The following DLG2 variants were observed in gnomAD, a reference collection of about 807,000 sequenced individuals.
The protein encoded by DLG2 is discs large MAGUK scaffold protein 2.
In DLG2, 45 loss-of-function variants were observed where a neutral mutation model predicts 132.5. That is an observed-to-expected ratio of 0.34 (90% CI 0.27 to 0.44). The LOEUF is 0.44. DLG2 is among the 20% of genes least tolerant of loss of function. DLG2 has a pLI of 1.00. For synonymous variants in DLG2, 424 were observed against 419.6 expected, an observed-to-expected ratio of 1.01 and a Z score of -0.13; for missense variants, 1,045 against 1,196.9, an observed-to-expected ratio of 0.87 and a Z score of 1.87.
intron 18 of DLG2, among the ~76,000 whole-genome samples, chr11:83,670,875 T>G (rs2076719225): frequency 6.6e-6 from 1 of 152,160 alleles, no homozygotes; most frequent in Admixed American, 6.5e-5. Flanking sequence ...GATTAAAATA[T>G]TCTCCTTAAA....
chr11:84,544,964 G>A (rs1464286595), intron 6 of DLG2, among the ~76,000 whole-genome samples: 1 of 152,178 alleles, frequency 6.6e-6, no homozygotes, highest in African/African-American at 2.4e-5. Context: ...CACAAATACA[G>A]TCCTTGAATT....
chr11:85,023,076 TA>T (rs996003318), intron 6 of DLG2, among the ~76,000 whole-genome samples: 1 of 151,826 alleles, frequency 6.6e-6, no homozygotes, highest in African/African-American at 2.4e-5. Flanking sequence ...ACATCGATAC[TA>T]AAAAAATGAA....
chr11:84,282,255 A>C (rs771582085), intron 7 of DLG2, among the ~76,000 whole-genome samples: 1 of 152,232 alleles, frequency 6.6e-6, no homozygotes, highest in Non-Finnish European at 1.5e-5. Flanking sequence ...GAGGACAAAC[A>C]AAAAGTACAT....
Position 85,583,126 on chromosome 11 carries a change from GTGTGTATATATATATA to G in DLG2, c.40+15515_40+15530del, listed in dbSNP as rs1330622953. Among the ~76,000 whole-genome samples the G allele has an allele frequency of 9.0e-4, 31 of 34,302 alleles. No homozygotes were observed. In the South Asian group the frequency reaches 0.015, roughly 16 times the overall value. The allele number at this position is 34,302 out of a possible 152,430, so 22.5% of individuals were successfully genotyped here. On this transcript the variant is annotated intron_variant, in intron 3 of 27. Coordinates refer to ENST00000376104, the MANE Select transcript of DLG2 (RefSeq NM_001142699.3). ...TGTGTGTGTGTGTGTGTGTGTGTGT[GTGTGTATATATATATA>G]TATATATATATATATATATATATAT...
chr11:84,767,024 G>A (rs1597624452), intron 6 of DLG2, among the ~76,000 whole-genome samples: 1 of 151,944 alleles, frequency 6.6e-6, no homozygotes, highest in Non-Finnish European at 1.5e-5. Flanking sequence ...GCATTACCTG[G>A]TATGTTGGAT....
Position 84,492,067 on chromosome 11 carries a change from G to T in DLG2, c.519+42503C>A, listed in dbSNP as rs1263570033. ...TGAGGTAAAAAATTATGACCGAACAGAATTTATAAAATAGAGTGTTGATTT... is the reference window on the plus strand; with the variant it reads ...TGAGGTAAAAAATTATGACCGAACATAATTTATAAAATAGAGTGTTGATTT... On this transcript the variant is annotated intron_variant, in intron 7 of 27. Coordinates refer to ENST00000376104, the MANE Select transcript of DLG2 (RefSeq NM_001142699.3). 2.6e-5 allele frequency among the ~76,000 whole-genome samples: 4 copies of T among 152,148 alleles called. No homozygotes were observed. The East Asian group carries it at 7.7e-4, about 29-fold the overall frequency.
chr11:83,521,549 G>A (rs1300465430), intron 21 of DLG2, among the ~76,000 whole-genome samples: 3 of 152,134 alleles, frequency 2.0e-5, no homozygotes, highest in Admixed American at 2.0e-4. Flanking sequence ...GTTGGAGTGA[G>A]GTGTTGGTGA....
intron 7 of DLG2, among the ~76,000 whole-genome samples, chr11:84,309,551 G>GT (rs2098266709): frequency 6.6e-6 from 1 of 152,166 alleles, no homozygotes; most frequent in South Asian, 2.1e-4. Context: ...TGTACTAGGT[G>GT]ACTACTAAGA....
At chr11:84,338,151 A>G (rs572776483) in intron 7 of DLG2, among the ~76,000 whole-genome samples, 4 of 152,358 alleles carry the variant, frequency 2.6e-5, no homozygotes, top group Middle Eastern at 6.8e-3. Context: ...AGTTTGAGAC[A>G]GGTATCAAAT....
At chr11:83,884,078 C>A (rs182300525) in intron 15 of DLG2, among the ~76,000 whole-genome samples, 1 of 152,154 alleles carries the variant, frequency 6.6e-6, no homozygotes, top group East Asian at 1.9e-4. Context: ...CTAGGGAGTG[C>A]CAGACAGTGG....
chr11:84,170,834 G>C (rs575526168), intron 8 of DLG2, among the ~76,000 whole-genome samples: 1 of 152,186 alleles, frequency 6.6e-6, no homozygotes, highest in South Asian at 2.1e-4. Context: ...CTCTGACCTA[G>C]CAACAGGGCT....
chr11:84,349,126 C>A (rs1317299888), intron 7 of DLG2, among the ~76,000 whole-genome samples: 2 of 152,150 alleles, frequency 1.3e-5, no homozygotes, highest in East Asian at 3.8e-4. Context: ...TTTTTGACAA[C>A]CTCAAGTTGT....
chr11:84,380,083 G>C (rs2098744032), intron 7 of DLG2, among the ~76,000 whole-genome samples: 1 of 151,970 alleles, frequency 6.6e-6, no homozygotes, highest in African/African-American at 2.4e-5. Context: ...GAAAAAATAA[G>C]TATTTCTTCA....
chr11:84,418,804 T>A (rs1401632093), intron 7 of DLG2, among the ~76,000 whole-genome samples: 1 of 152,200 alleles, frequency 6.6e-6, no homozygotes, highest in Non-Finnish European at 1.5e-5. Flanking sequence ...TTGCTTTCCC[T>A]GTTTTCTCAC....
At chr11:85,389,636 C>A (rs546013627) in intron 3 of DLG2, among the ~76,000 whole-genome samples, 1 of 152,062 alleles carries the variant, frequency 6.6e-6, no homozygotes, top group Non-Finnish European at 1.5e-5. Context: ...ATAAAGGAAA[C>A]CCTATCAGAT....
chr11:84,529,878 T>C (rs1180356783), intron 7 of DLG2, among the ~76,000 whole-genome samples: 2 of 152,158 alleles, frequency 1.3e-5, no homozygotes, highest in Non-Finnish European at 2.9e-5. Flanking sequence ...TATCACATTC[T>C]TGGACTTCAA....
intron 6 of DLG2, among the ~76,000 whole-genome samples, chr11:84,889,684 C>T (rs886813562): frequency 3.9e-5 from 6 of 152,148 alleles, no homozygotes; most frequent in Non-Finnish European, 8.8e-5. Context: ...TAATTATTAT[C>T]GCTTTTTCTT....
intron 19 of DLG2, among the ~76,000 whole-genome samples, chr11:83,569,374 A>G (rs1037735412): frequency 1.3e-5 from 2 of 152,192 alleles, no homozygotes; most frequent in Non-Finnish European, 1.5e-5. Flanking sequence ...TGGAAACAGT[A>G]CAGATCAAGT....
At chr11:84,569,605 A>G (rs193213761) in intron 6 of DLG2, among the ~76,000 whole-genome samples, 88 of 152,370 alleles carry the variant, frequency 5.8e-4, no homozygotes, top group African/African-American at 2.1e-3. Context: ...AAAATTCATT[A>G]TAAAGTCTCA....
Sources: gnomAD v4.1 joint callset for allele counts (sites outside exome capture counted in the v4.1 genomes callset) on GRCh38, gnomAD v4.1.1 for gene constraint, MANE v1.5 for transcripts, NCBI Gene and HGNC (gene_info 2026-07-23, HGNC 2026-07-21) for gene names.